Variants in TSPAN2 observed in about 807,000 individuals in gnomAD.
TSPAN2 encodes tetraspanin 2, also known as tetraspanin-2.
TSPAN2 carries 24 observed loss-of-function variants against 33.3 expected under a neutral mutation model. That is an observed-to-expected ratio of 0.72 (90% CI 0.52 to 1.01). TSPAN2 has a LOEUF of 1.01. TSPAN2 is among the 50% of genes least tolerant of loss of function. The pLI, the probability that TSPAN2 is intolerant of heterozygous loss-of-function variation, is 0.00. For synonymous variants in TSPAN2, 114 were observed against 104.5 expected, an observed-to-expected ratio of 1.09 and a Z score of -0.56; for missense variants, 278 against 281.3, an observed-to-expected ratio of 0.99 and a Z score of 0.08.
chr1:115,055,082 C>CT (rs1321830382), intron 6 of TSPAN2, among the ~76,000 whole-genome samples: 1 of 152,162 alleles, frequency 6.6e-6, no homozygotes, highest in Non-Finnish European at 1.5e-5. Flanking sequence ...CTGCCAGTTA[C>CT]TTTTTTTCCT....
At chr1:115,083,460 G>A (rs1648707308) in intron 1 of TSPAN2, among the ~76,000 whole-genome samples, 1 of 152,156 alleles carries the variant, frequency 6.6e-6, no homozygotes, top group African/African-American at 2.4e-5. Flanking sequence ...AAGTGAGTAA[G>A]CCAAGAAGCA....
chr1:115,064,438 C>T (rs1028670523), intron 2 of TSPAN2, among the ~76,000 whole-genome samples: 1 of 152,226 alleles, frequency 6.6e-6, no homozygotes, highest in South Asian at 2.1e-4. Context: ...GCCTACAGAA[C>T]AGTTTCCCCC....
At chr1:115,064,478 A>T (rs1262694583) in intron 2 of TSPAN2, among the ~76,000 whole-genome samples, 1 of 152,182 alleles carries the variant, frequency 6.6e-6, no homozygotes, top group East Asian at 1.9e-4. Context: ...TGCTCCAGCC[A>T]CCTGGGAATT....
Position 115,089,473 on chromosome 1 carries a change from G to T in TSPAN2, c.-41C>A. The T allele has an allele frequency of 7.1e-7, 1 of 1,403,866 alleles. No homozygotes were observed. Among genetic ancestry groups the T allele is most frequent in the Non-Finnish European group, 9.3e-7 (1 of 1,070,084 alleles). The allele number at this position is 1,403,866 out of a possible 1,614,324, so 87.0% of individuals were successfully genotyped here. A position where few individuals can be genotyped will look rare whatever the true frequency, so the allele number is the denominator to read the frequency against. On this transcript the variant is annotated 5_prime_UTR_variant, in exon 1 of 8. Coordinates refer to ENST00000369516, the MANE Select transcript of TSPAN2 (RefSeq NM_005725.6). Reference sequence around the variant, plus strand: ...CGGGATCCCCAGTCCCCAGGCCCGCGCTACGAGCGCGGGGAGCGGCAGGCT... The same window carrying T: ...CGGGATCCCCAGTCCCCAGGCCCGCTCTACGAGCGCGGGGAGCGGCAGGCT...
chr1:115,084,252 G>C (rs910127766), intron 1 of TSPAN2, among the ~76,000 whole-genome samples: 3 of 152,126 alleles, frequency 2.0e-5, no homozygotes, highest in African/African-American at 7.2e-5. Flanking sequence ...CATTTTATGT[G>C]CACAAAGTTC....
At chr1:115,065,594 A>G (rs971104863) in intron 2 of TSPAN2, among the ~76,000 whole-genome samples, 1 of 152,196 alleles carries the variant, frequency 6.6e-6, no homozygotes, top group African/African-American at 2.4e-5. Flanking sequence ...AAAAATTTAA[A>G]AAGTATTTAA....
chr1:115,056,915 T>G (rs1248935595), intron 6 of TSPAN2, among the ~76,000 whole-genome samples: 2 of 152,276 alleles, frequency 1.3e-5, no homozygotes, highest in African/African-American at 4.8e-5. Context: ...CACTTGTGTC[T>G]GGCCGCCCCT....
intron 1 of TSPAN2, among the ~76,000 whole-genome samples, chr1:115,076,255 G>T (rs4839023): frequency 6.6e-6 from 1 of 152,102 alleles, no homozygotes; most frequent in South Asian, 2.1e-4. Context: ...TCCTTACCTC[G>T]ATGCTGTGTT....
At position 115,048,530 on chromosome 1, in the gene TSPAN2, C is replaced by T. The variant is rs1675223767; in HGVS notation, c.*1960G>A. On this transcript the variant is annotated 3_prime_UTR_variant, in exon 8 of 8. Transcript: ENST00000369516. ...AAATTTATTTATTTCTATTCTTCCA[C>T]TTTTAACTATTATAGTCTCCTTTAA... is the stretch of plus-strand genomic sequence containing the variant. The T allele has an allele frequency of 6.6e-6, 1 of 151,900 alleles. No individual in the cohort carries two copies. The highest frequency in any genetic ancestry group is 2.4e-5 in the African/African-American group (1 of 41,390). 9.4% of individuals were successfully genotyped at this position (151,900 alleles called of 1,614,324 possible).
At chr1:115,051,748 G>A (rs1311269239) in intron 7 of TSPAN2, among the ~76,000 whole-genome samples, 1 of 152,180 alleles carries the variant, frequency 6.6e-6, no homozygotes, top group Non-Finnish European at 1.5e-5. Context: ...GCAGAAGCAG[G>A]TAAGGGCATG....
intron 2 of TSPAN2, 39 bp from the exon 3 acceptor site, chr1:115,062,271 C>G: frequency 6.6e-7 from 1 of 1,517,930 alleles, no homozygotes; most frequent in Non-Finnish European, 9.0e-7. Flanking sequence ...TGAGAGCCAA[C>G]CGAGTGCCTC....
rs927560133 is a variant in TSPAN2, at chr1:115,050,246, C to T, written c.*244G>A. 3.0e-5 allele frequency: 14 copies of T among 470,140 alleles called. No homozygotes were observed. Among genetic ancestry groups the T allele is most frequent in the Non-Finnish European group, 5.2e-5 (14 of 267,008 alleles). 29.1% of individuals were successfully genotyped at this position (470,140 alleles called of 1,614,324 possible). The stretch of plus-strand genomic sequence containing the variant: ...AATTCCCAGCAAACAGATTTCATTA[C>T]GTATAAAGCATATTCCAGAAACACG... On this transcript the variant is annotated 3_prime_UTR_variant, in exon 8 of 8. Coordinates refer to ENST00000369516, the MANE Select transcript of TSPAN2 (RefSeq NM_005725.6).
chr1:115,079,137 C>CCACACACACACACA (rs202132434), intron 1 of TSPAN2, among the ~76,000 whole-genome samples: 1,611 of 146,766 alleles, frequency 0.011, 28 homozygotes, highest in African/African-American at 0.036. Flanking sequence ...AATTATAGCG[C>CCACACACACACACA]CACACACACA....
At position 115,053,410 on chromosome 1, in the gene TSPAN2, C is replaced by A; in HGVS notation, c.569G>T (p.Gly190Val). The A allele has an allele frequency of 6.2e-7, 1 of 1,613,944 alleles. No individual in the cohort carries two copies. Among genetic ancestry groups the A allele is most frequent in the Non-Finnish European group, 8.5e-7 (1 of 1,179,888 alleles). Residue 190 changes from glycine to valine, a missense_variant, in exon 7 of 8, where the codon GGA becomes GTA. Coordinates refer to ENST00000369516, the MANE Select transcript of TSPAN2 (RefSeq NM_005725.6). ...ACCTGCAATTCCAATACCGACAATT[C>A]CAATGAGCTGGAGCTTAACACTGAT... ...TIISVKLQLI[G>V]IVGIGIAGLT...
intron 1 of TSPAN2, among the ~76,000 whole-genome samples, chr1:115,076,208 C>T (rs185775907): frequency 3.9e-4 from 60 of 152,176 alleles, no homozygotes; most frequent in African/African-American, 1.3e-3. Flanking sequence ...GCAGCAGAGG[C>T]GAATTCCAGG....
intron 7 of TSPAN2, among the ~76,000 whole-genome samples, chr1:115,052,728 ATTGCCTTTGCCT>A (rs1410316140): frequency 1.3e-5 from 2 of 152,156 alleles, no homozygotes; most frequent in African/African-American, 2.4e-5. Context: ...CATCTATGCC[ATTGCCTTTGCCT>A]GGTAGATTAT....
chr1:115,077,566 T>A (rs1181763962), intron 1 of TSPAN2, among the ~76,000 whole-genome samples: 1 of 152,190 alleles, frequency 6.6e-6, no homozygotes, highest in Non-Finnish European at 1.5e-5. Context: ...GAAGAAGGAC[T>A]GAAAACTTGA....
intron 2 of TSPAN2, among the ~76,000 whole-genome samples, chr1:115,063,894 G>A (rs532259728): frequency 1.1e-4 from 17 of 152,174 alleles, no homozygotes; most frequent in African/African-American, 3.9e-4. Context: ...GATAGATACT[G>A]GGGACTACTA....
At chr1:115,064,836 G>C (rs1647881208) in intron 2 of TSPAN2, among the ~76,000 whole-genome samples, 1 of 152,220 alleles carries the variant, frequency 6.6e-6, no homozygotes, top group African/African-American at 2.4e-5. Flanking sequence ...ATATGTGAAA[G>C]AGGGAGGCTC....
Sources: gnomAD v4.1 joint callset for allele counts (sites outside exome capture counted in the v4.1 genomes callset) on GRCh38, gnomAD v4.1.1 for gene constraint, MANE v1.5 for transcripts, NCBI Gene and HGNC (gene_info 2026-07-23, HGNC 2026-07-21) for gene names.